Variants in ABCA12 observed in about 807,000 individuals in gnomAD.
The protein encoded by ABCA12 is glucosylceramide transporter ABCA12.
Under a neutral mutation model 293.5 loss-of-function variants are expected in ABCA12, and 156 were observed. The observed-to-expected ratio is 0.53, with a 90% CI of 0.47 to 0.61. The LOEUF is 0.61. Ranked by LOEUF, ABCA12 falls within the 20% of genes least tolerant of loss-of-function variation. The pLI, the probability that ABCA12 is intolerant of heterozygous loss-of-function variation, is 0.00. For synonymous variants in ABCA12, 1,063 were observed against 1,108.0 expected (o/e 0.96, Z 0.81); for missense variants, 2,797 against 3,090.2 (o/e 0.91, Z 2.25).
At chr2:215,075,519 T>C (rs6711179) in intron 2 of ABCA12, 494,401 of 689,926 alleles carry the variant, frequency 0.72, 178,413 homozygotes, top group Admixed American at 0.81. Context: ...TATTGTGCAA[T>C]CATAACCCTG....
At chr2:214,979,230 C>T (rs7579031) in intron 31 of ABCA12, among the ~76,000 whole-genome samples, 190 bp from the exon 32 acceptor site, 82,602 of 151,496 alleles carry the variant, frequency 0.55, 23,035 homozygotes, top group Non-Finnish European at 0.62. Flanking sequence ...TCCCATGTCA[C>T]GCTGTCCCTT....
At chr2:215,004,483 G>C (rs1324796695) in intron 19 of ABCA12, among the ~76,000 whole-genome samples, 184 bp from the exon 20 acceptor site, 1 of 152,200 alleles carries the variant, frequency 6.6e-6, no homozygotes, top group Non-Finnish European at 1.5e-5. Flanking sequence ...GTAATGACTT[G>C]ACAGGCTGGG....
At chr2:215,027,203 G>A (rs978002937) in intron 9 of ABCA12, among the ~76,000 whole-genome samples, 3 of 152,172 alleles carry the variant, frequency 2.0e-5, no homozygotes, top group South Asian at 2.1e-4. Context: ...AAAATTAGCC[G>A]GGCGTGGTGG....
intron 2 of ABCA12, among the ~76,000 whole-genome samples, chr2:215,066,174 G>C (rs142999874): frequency 3.9e-5 from 6 of 152,234 alleles, no homozygotes; most frequent in Non-Finnish European, 8.8e-5. Context: ...GTCTGCAGTG[G>C]AGGTTTACCA....
intron 23 of ABCA12, among the ~76,000 whole-genome samples, chr2:214,992,170 C>T (rs949049341): frequency 1.3e-5 from 2 of 152,086 alleles, no homozygotes; most frequent in Admixed American, 6.5e-5. Flanking sequence ...GGGCCGATCA[C>T]GGTGGCTCAC....
At chr2:214,956,304 T>G (rs940130306) in intron 42 of ABCA12, among the ~76,000 whole-genome samples, 10 of 152,158 alleles carry the variant, frequency 6.6e-5, no homozygotes, top group Non-Finnish European at 1.5e-4. Context: ...CACTTCATAA[T>G]GCTACATATA....
chr2:214,970,866 CAGCTT>C (rs1482704819), intron 36 of ABCA12, among the ~76,000 whole-genome samples: 2 of 151,928 alleles, frequency 1.3e-5, no homozygotes, highest in Non-Finnish European at 2.9e-5. Context: ...ACCTAAGACT[CAGCTT>C]AGTTATATGT....
At chr2:214,948,872 T>C in intron 46 of ABCA12, 135 bp from the exon 47 acceptor site, 1 of 1,251,274 alleles carries the variant, frequency 8.0e-7, no homozygotes, top group Non-Finnish European at 1.1e-6. Context: ...ATAATCCCAC[T>C]ATCAAATTCA....
At chr2:215,071,016 A>G (rs1575024254) in intron 2 of ABCA12, among the ~76,000 whole-genome samples, 2 of 152,044 alleles carry the variant, frequency 1.3e-5, no homozygotes, top group East Asian at 2.0e-4. Context: ...CCCTGTTTCT[A>G]CAAAAAATAC....
intron 23 of ABCA12, among the ~76,000 whole-genome samples, chr2:214,992,839 C>G (rs1295750201): frequency 2.6e-5 from 4 of 151,898 alleles, no homozygotes; most frequent in Non-Finnish European, 5.9e-5. Context: ...GCAGGTCCAG[C>G]CTGAGAGACA....
chr2:215,056,536 C>T (rs1016641409), intron 3 of ABCA12, among the ~76,000 whole-genome samples: 1 of 151,878 alleles, frequency 6.6e-6, no homozygotes, highest in Non-Finnish European at 1.5e-5. Flanking sequence ...TTTTTGGAAG[C>T]AAGAGTTGGA....
chr2:215,001,445 G>C (rs994936269), intron 21 of ABCA12, 113 bp downstream of exon 21: 3 of 1,287,456 alleles, frequency 2.3e-6, no homozygotes, highest in Non-Finnish European at 3.4e-6. Context: ...GGACATCAGA[G>C]GACCTAAGGA....
At position 215,049,809 on chromosome 2, in the gene ABCA12, C is replaced by T. The variant is rs142897482; in HGVS notation, c.510G>A (p.Leu170=). The change falls in exon 6 of 53, where the codon CTG becomes CTA. Residue 170 remains leucine (L), a splice_region_variant and synonymous_variant. Transcript: ENST00000272895. ...VLARILGLEK[L]LKQNSTSEDI... ...CTTCTGAAGTTGAATTTTGCTTTAA[C>T]AGCTAAAAGCATGTGTGAAAAGAGT... The T allele has an allele frequency of 3.9e-4, 634 of 1,610,592 alleles. No individual in the cohort carries two copies. The highest frequency in any genetic ancestry group is 5.1e-4 in the Non-Finnish European group (595 of 1,178,048).
intron 11 of ABCA12, chr2:215,022,880 T>C (rs1272481161): frequency 6.6e-6 from 1 of 152,200 alleles, no homozygotes; most frequent in Non-Finnish European, 1.5e-5. Context: ...TTTGTATTTC[T>C]GCCCAATACA....
chr2:214,996,359 T>C (rs1001283180), intron 23 of ABCA12, among the ~76,000 whole-genome samples: 1 of 152,194 alleles, frequency 6.6e-6, no homozygotes, highest in Admixed American at 6.5e-5. Flanking sequence ...ATTTACTGTT[T>C]CTATCACAAG....
At chr2:215,024,896 C>A (rs1700705344) in intron 11 of ABCA12, among the ~76,000 whole-genome samples, 2 of 152,054 alleles carry the variant, frequency 1.3e-5, no homozygotes, top group African/African-American at 4.8e-5. Context: ...GAATAATAGA[C>A]AAATAAGCAT....
Position 215,100,354 on chromosome 2 carries a change from T to A in ABCA12, c.163+11243A>T, listed in dbSNP as rs1305630929. ...CCCCTTCTGCCTCTTGAAAGCCACT[T>A]CCTCTTGTTGCATATTCACTTTTTT... On this transcript the variant is annotated intron_variant, in intron 2 of 52. Coordinates refer to ENST00000272895, the MANE Select transcript of ABCA12 (RefSeq NM_173076.3). Among the ~76,000 whole-genome samples, 7 of 152,100 alleles carry A rather than the reference T, an allele frequency of 4.6e-5. 1 individual carries two copies. Among genetic ancestry groups the A allele is most frequent in the African/African-American group, 9.7e-5 (4 of 41,408 alleles).
intron 21 of ABCA12, 44 bp from the exon 22 acceptor site, chr2:215,001,064 T>A (rs756574040): frequency 2.2e-5 from 35 of 1,589,110 alleles, no homozygotes; most frequent in Non-Finnish European, 2.9e-5. Flanking sequence ...TATTTTATGG[T>A]TGACGTTATT....
chr2:215,043,939 GTT>G (rs1160559168), intron 7 of ABCA12, among the ~76,000 whole-genome samples: 3 of 151,816 alleles, frequency 2.0e-5, no homozygotes, highest in Non-Finnish European at 4.4e-5. Context: ...TATATTTTTT[GTT>G]TTGATGTTTT....
Sources: allele counts gnomAD v4.1 joint callset (sites outside exome capture counted in the v4.1 genomes callset), GRCh38; gene constraint gnomAD v4.1.1; transcripts MANE v1.5; gene names NCBI Gene and HGNC (gene_info 2026-07-23, HGNC 2026-07-21).